GRM7: variants seen among roughly 807,000 people sequenced by gnomAD.
GRM7 encodes metabotropic glutamate receptor 7.
GRM7 carries 35 observed loss-of-function variants against 84.5 expected under a neutral mutation model. That is an observed-to-expected ratio of 0.41 (90% confidence interval 0.32 to 0.55). The LOEUF (loss-of-function observed/expected upper bound fraction) is 0.55, where lower values mean the gene tolerates loss of function less well. Among genes scored for constraint, GRM7 ranks in the 20% least tolerant of loss-of-function variants. The probability of loss-of-function intolerance (pLI) is 0.19; values close to 1 mark genes in which losing one functional copy is unlikely to be tolerated. For missense variants in GRM7, 1,003 were observed against 1,194.6 expected (o/e 0.84, Z 2.36); for synonymous variants, 487 against 455.1 (o/e 1.07, Z -0.89).
intron 2 of GRM7, among the ~76,000 whole-genome samples, chr3:7,240,344 G>GT (rs148089582): frequency 0.019 from 2,722 of 145,694 alleles, 60 homozygotes; most frequent in African/African-American, 0.056. Context: ...GCCTGGAATT[G>GT]TTTTTTTTTT....
chr3:7,650,447 G>A lies in GRM7; in HGVS notation c.2452-29602G>A, dbSNP rs1418212586. The stretch of plus-strand genomic sequence containing the variant: ...TACTAGTTACTATACTAAAAAGATG[G>A]TACTTTGTGTCAGGCCAAATGGAAG... On this transcript the variant is annotated intron_variant, in intron 8 of 9. Coordinates refer to ENST00000357716, the MANE Select transcript of GRM7 (RefSeq NM_000844.4). Among the ~76,000 whole-genome samples the A allele has an allele frequency of 4.6e-5, 7 of 152,168 alleles. No individual in the cohort carries two copies. In the East Asian group the frequency reaches 1.3e-3, roughly 29 times the overall value.
At chr3:7,367,388 G>T (rs966086) in intron 4 of GRM7, among the ~76,000 whole-genome samples, 5,746 of 151,604 alleles carry the variant, frequency 0.038, 350 homozygotes, top group African/African-American at 0.13. Flanking sequence ...TGTAAGAATG[G>T]TAATGGTCTA....
chr3:7,687,625 C>T (rs916796610), intron 9 of GRM7, among the ~76,000 whole-genome samples: 20 of 152,166 alleles, frequency 1.3e-4, no homozygotes, highest in Admixed American at 2.6e-4. Flanking sequence ...GAGGTCATAC[C>T]GCAGGAGGGG....
chr3:7,300,054 C>T (rs1391336293), intron 3 of GRM7, among the ~76,000 whole-genome samples: 1 of 151,584 alleles, frequency 6.6e-6, no homozygotes, highest in African/African-American at 2.4e-5. Flanking sequence ...AAAAATATGT[C>T]CCTTCTTAAA....
At chr3:7,434,156 C>G (rs1696946169) in intron 5 of GRM7, among the ~76,000 whole-genome samples, 1 of 152,098 alleles carries the variant, frequency 6.6e-6, no homozygotes, top group South Asian at 2.1e-4. Flanking sequence ...AGAATTAACT[C>G]TGTATGTAGA....
intron 4 of GRM7, among the ~76,000 whole-genome samples, chr3:7,313,580 C>A (rs1431000015): frequency 6.6e-6 from 1 of 152,028 alleles, no homozygotes; most frequent in Non-Finnish European, 1.5e-5. Context: ...TACAAAATAT[C>A]TGTTGAATAA....
intron 1 of GRM7, among the ~76,000 whole-genome samples, chr3:6,891,437 A>G (rs1476435893): frequency 1.3e-5 from 2 of 152,126 alleles, no homozygotes; most frequent in Admixed American, 1.3e-4. Flanking sequence ...GGTGGTAACA[A>G]AATCTCTCAG....
At chr3:7,712,986 T>G (rs1701634292) in intron 9 of GRM7, among the ~76,000 whole-genome samples, 2 of 152,130 alleles carry the variant, frequency 1.3e-5, no homozygotes, top group Admixed American at 1.3e-4. Context: ...AGTTTTCTTC[T>G]TCTTATAAGG....
intron 5 of GRM7, among the ~76,000 whole-genome samples, chr3:7,445,999 T>G: frequency 1.5e-5 from 1 of 66,160 alleles, no homozygotes; most frequent in South Asian, 3.3e-4. Context: ...CCTGACTCTC[T>G]TTTTCAAAGC....
chr3:7,303,004 G>C (rs6774227), intron 3 of GRM7, among the ~76,000 whole-genome samples: 3 of 147,452 alleles, frequency 2.0e-5, no homozygotes, highest in African/African-American at 5.2e-5. Flanking sequence ...GCAGTGGCGC[G>C]ATCTCAGCTC....
intron 2 of GRM7, among the ~76,000 whole-genome samples, chr3:7,166,569 A>G (rs941517914): frequency 6.6e-6 from 1 of 152,188 alleles, no homozygotes; most frequent in African/African-American, 2.4e-5. Context: ...CTTCATTCCA[A>G]GACAGCCTGA....
chr3:7,596,890 C>A (rs978702172), intron 8 of GRM7, among the ~76,000 whole-genome samples: 3 of 152,054 alleles, frequency 2.0e-5, no homozygotes, highest in African/African-American at 7.2e-5. Context: ...GGGAGGGGGC[C>A]TTTAAATGTT....
intron 5 of GRM7, among the ~76,000 whole-genome samples, chr3:7,436,373 A>G (rs946121977): frequency 6.6e-6 from 1 of 152,132 alleles, no homozygotes; most frequent in Admixed American, 6.6e-5. Context: ...AGGGTCACAT[A>G]CAGTCTTTGT....
intron 1 of GRM7, among the ~76,000 whole-genome samples, chr3:6,935,846 C>T (rs1408876428): frequency 6.6e-6 from 1 of 151,926 alleles, no homozygotes; most frequent in East Asian, 1.9e-4. Context: ...CAGGTGTGTG[C>T]CAACACGCAC....
chr3:7,611,657 A>ATAAAAG (rs1696851732), intron 8 of GRM7, among the ~76,000 whole-genome samples: 1 of 152,214 alleles, frequency 6.6e-6, no homozygotes, highest in Admixed American at 6.5e-5. Context: ...GTTCTTGCTC[A>ATAAAAG]TAAAAGTTGC....
At position 6,974,507 on chromosome 3, in the gene GRM7, C is replaced by T. The variant is rs144096019; in HGVS notation, c.519+112600C>T. 5.3e-5 allele frequency among the ~76,000 whole-genome samples: 8 copies of T among 152,234 alleles called. No homozygotes were observed. The East Asian group carries it at 1.5e-3, about 29-fold the overall frequency. ...GACACGTGAGAACTGAGCTTGGGAA[C>T]TCAACATGTAGCTGCCTGTAGAATG... On this transcript the variant is annotated intron_variant, in intron 1 of 9. Transcript: ENST00000357716.
At chr3:7,120,087 A>G (rs1693167738) in intron 1 of GRM7, among the ~76,000 whole-genome samples, 2 of 152,136 alleles carry the variant, frequency 1.3e-5, no homozygotes, top group Non-Finnish European at 2.9e-5. Context: ...TCAGAATATT[A>G]AGAAAACTGA....
intron 1 of GRM7, among the ~76,000 whole-genome samples, chr3:7,056,442 C>T (rs928066613): frequency 2.6e-5 from 4 of 152,020 alleles, no homozygotes; most frequent in African/African-American, 9.7e-5. Context: ...ATGCTTCTCA[C>T]TCCGAGGTCA....
chr3:7,135,170 T>A (rs1693731612), intron 1 of GRM7, among the ~76,000 whole-genome samples: 2 of 152,298 alleles, frequency 1.3e-5, no homozygotes, highest in East Asian at 1.9e-4. Flanking sequence ...TAATAAAAAT[T>A]AAATTACCCC....
Sources: allele counts gnomAD v4.1 joint callset (sites outside exome capture counted in the v4.1 genomes callset), GRCh38; gene constraint gnomAD v4.1.1; transcripts MANE v1.5; gene names NCBI Gene and HGNC (gene_info 2026-07-23, HGNC 2026-07-21).